Variants in NRXN3 observed in about 807,000 individuals in gnomAD.
NRXN3 encodes the protein neurexin 3.
Under a neutral mutation model 137.6 loss-of-function variants are expected in NRXN3, and 32 were observed. The observed-to-expected ratio is 0.23, with a 90% CI of 0.18 to 0.31. The LOEUF is 0.31. Among genes scored for constraint, NRXN3 ranks in the 10% least tolerant of loss-of-function variants. The pLI is 1.00. For synonymous variants in NRXN3, 798 were observed against 784.5 expected, an observed-to-expected ratio of 1.02 and a Z score of -0.29; for missense variants, 1,574 against 2,062.5, an observed-to-expected ratio of 0.76 and a Z score of 4.59.
intron 20 of NRXN3, among the ~76,000 whole-genome samples, chr14:79,818,387 A>G (rs115067285): frequency 9.8e-5 from 15 of 152,294 alleles, no homozygotes; most frequent in African/African-American, 2.2e-4. Context: ...TTCATGATCA[A>G]TTCTGTTCAA....
chr14:79,040,826 C>A (rs115359897), intron 15 of NRXN3, among the ~76,000 whole-genome samples: 2,432 of 152,232 alleles, frequency 0.016, 50 homozygotes, highest in African/African-American at 0.055. Flanking sequence ...TTGAGTTACT[C>A]CATATTGCTT....
intron 16 of NRXN3, among the ~76,000 whole-genome samples, chr14:79,533,463 G>T (rs115376969): frequency 0.016 from 2,397 of 152,268 alleles, 29 homozygotes; most frequent in East Asian, 0.054. Context: ...GTGATTTGGG[G>T]TTTTAAGAGC....
chr14:78,869,617 C>G (rs1440599878), intron 10 of NRXN3, among the ~76,000 whole-genome samples: 1 of 152,104 alleles, frequency 6.6e-6, no homozygotes, highest in Non-Finnish European at 1.5e-5. Context: ...TTTTCCTCTT[C>G]TTGTAATGCC....
intron 17 of NRXN3, among the ~76,000 whole-genome samples, chr14:79,676,450 TA>T (rs576620730): frequency 4.6e-5 from 7 of 152,078 alleles, no homozygotes; most frequent in African/African-American, 7.2e-5. Flanking sequence ...GATTGTATAG[TA>T]TTTTTTTTCT....
rs954423337 is a variant in NRXN3 at position 79,358,347 on chromosome 14, G to A, written c.3263-108874G>A. Among the ~76,000 whole-genome samples, 15 of 152,022 alleles carry A rather than the reference G, an allele frequency of 9.9e-5. No homozygotes were observed. The South Asian group carries it at 2.9e-3, about 29-fold the overall frequency. The stretch of plus-strand genomic sequence containing the variant: ...GGACTTTGGGAGGCAGAGGCGAGCC[G>A]ATCACGCGGTCAGGAGATCAAGACT... On this transcript the variant is annotated intron_variant, in intron 15 of 20. Transcript: ENST00000335750.
intron 8 of NRXN3, among the ~76,000 whole-genome samples, chr14:78,786,318 T>C (rs2098789187): frequency 3.3e-5 from 5 of 152,126 alleles, no homozygotes; most frequent in Admixed American, 3.3e-4. Context: ...TCTCCTGAGG[T>C]TGGCCAGAGG....
At chr14:79,220,091 C>T (rs17108963) in intron 15 of NRXN3, among the ~76,000 whole-genome samples, 4,147 of 152,220 alleles carry the variant, frequency 0.027, 135 homozygotes, top group South Asian at 0.086. Context: ...CTGCCTTTCA[C>T]GTTATGTTGG....
At chr14:78,312,525 C>T (rs904842835) in intron 4 of NRXN3, among the ~76,000 whole-genome samples, 8 of 152,168 alleles carry the variant, frequency 5.3e-5, no homozygotes, top group African/African-American at 1.7e-4. Context: ...GTTTGCACTT[C>T]CTTTCTTCCT....
intron 15 of NRXN3, among the ~76,000 whole-genome samples, chr14:79,116,546 T>G (rs1383965137): frequency 6.6e-6 from 1 of 152,206 alleles, no homozygotes; most frequent in Non-Finnish European, 1.5e-5. Context: ...GGCTACATTT[T>G]CAAACAGAGT....
intron 4 of NRXN3, among the ~76,000 whole-genome samples, chr14:78,480,618 G>A (rs1017099201): frequency 2.0e-5 from 3 of 152,092 alleles, no homozygotes; most frequent in Admixed American, 6.5e-5. Flanking sequence ...TTCACATTTT[G>A]TAAGTCAGTG....
chr14:79,096,232 C>G (rs12893596), intron 15 of NRXN3, among the ~76,000 whole-genome samples: 4 of 151,602 alleles, frequency 2.6e-5, no homozygotes, highest in Non-Finnish European at 5.9e-5. Flanking sequence ...CTCAGCCTCC[C>G]GAGTAGCTGG....
intron 20 of NRXN3, among the ~76,000 whole-genome samples, chr14:79,829,841 T>G (rs1245087509): frequency 1.3e-5 from 2 of 152,168 alleles, no homozygotes; most frequent in Non-Finnish European, 2.9e-5. Flanking sequence ...TGAAGGTGCC[T>G]GCCTATCCAA....
chr14:79,276,709 TAAAAAAAAA>T (rs757712972), intron 15 of NRXN3, among the ~76,000 whole-genome samples: 4 of 122,028 alleles, frequency 3.3e-5, no homozygotes, highest in Non-Finnish European at 5.3e-5. Context: ...CAATGCCAAT[TAAAAAAAAA>T]AAAAAAAAAG....
intron 16 of NRXN3, among the ~76,000 whole-genome samples, chr14:79,565,260 TACAC>T (rs535285380): frequency 6.0e-3 from 15 of 2,508 alleles, no homozygotes; most frequent in East Asian, 0.013. Context: ...TATATACATA[TACAC>T]ATGTGTGTGT....
At chr14:78,994,763 T>A (rs2099526518) in intron 15 of NRXN3, among the ~76,000 whole-genome samples, 1 of 152,124 alleles carries the variant, frequency 6.6e-6, no homozygotes, top group African/African-American at 2.4e-5. Context: ...ACATAAGGAG[T>A]GTAATAGGTA....
intron 16 of NRXN3, among the ~76,000 whole-genome samples, chr14:79,520,526 T>C (rs1325808588): frequency 1.3e-5 from 2 of 152,156 alleles, no homozygotes; most frequent in Non-Finnish European, 2.9e-5. Flanking sequence ...CTCCCACTTA[T>C]GAGAACATGC....
chr14:78,298,251 C>G (rs1046060926), intron 4 of NRXN3, among the ~76,000 whole-genome samples: 7 of 152,230 alleles, frequency 4.6e-5, no homozygotes, highest in African/African-American at 1.7e-4. Flanking sequence ...GGGCTCCAGG[C>G]TGGGGGAGAG....
intron 10 of NRXN3, among the ~76,000 whole-genome samples, chr14:78,825,573 T>C (rs2098964325): frequency 6.6e-6 from 1 of 152,246 alleles, no homozygotes; most frequent in African/African-American, 2.4e-5. Context: ...TCATGGATGT[T>C]CTTATAGCCT....
chr14:79,682,452 G>A (rs144214791), intron 17 of NRXN3, among the ~76,000 whole-genome samples: 2 of 152,240 alleles, frequency 1.3e-5, no homozygotes, highest in African/African-American at 4.8e-5. Flanking sequence ...TTTGATTCTT[G>A]TACCACATTT....
Sources: allele counts gnomAD v4.1 joint callset (sites outside exome capture counted in the v4.1 genomes callset), GRCh38; gene constraint gnomAD v4.1.1; transcripts MANE v1.5; gene names NCBI Gene and HGNC (gene_info 2026-07-23, HGNC 2026-07-21).